The following HS3ST3B1 variants were observed in gnomAD, a reference collection of about 807,000 sequenced individuals.
HS3ST3B1 encodes the protein heparan sulfate-glucosamine 3-sulfotransferase 3B1.
Under a neutral mutation model 21.3 loss-of-function variants are expected in HS3ST3B1, and 13 were observed. The observed-to-expected ratio is 0.61, with a 90% CI of 0.40 to 0.97. The LOEUF is 0.97. Ranked by LOEUF, HS3ST3B1 falls within the 50% of genes least tolerant of loss-of-function variation. The probability of loss-of-function intolerance (pLI) is 0.00; values close to 1 mark genes in which losing one functional copy is unlikely to be tolerated. For synonymous variants in HS3ST3B1, 234 were observed against 254.8 expected, an observed-to-expected ratio of 0.92 and a Z score of 0.78; for missense variants, 459 against 554.8, an observed-to-expected ratio of 0.83 and a Z score of 1.73.
chr17:14,341,278 G>T (rs1349246003), intron 1 of HS3ST3B1, among the ~76,000 whole-genome samples: 1 of 152,194 alleles, frequency 6.6e-6, no homozygotes, highest in Non-Finnish European at 1.5e-5. Context: ...CCCCAGGCAG[G>T]CTGAGAGCAG....
At chr17:14,309,029 C>T (rs545615830) in intron 1 of HS3ST3B1, among the ~76,000 whole-genome samples, 1 of 152,326 alleles carries the variant, frequency 6.6e-6, no homozygotes, top group East Asian at 1.9e-4. Flanking sequence ...GGAGAGCCGC[C>T]CCCCTTTTTC....
intron 1 of HS3ST3B1, among the ~76,000 whole-genome samples, chr17:14,339,297 G>A (rs1010636427): frequency 1.1e-4 from 17 of 152,220 alleles, no homozygotes; most frequent in Non-Finnish European, 2.2e-4. Context: ...TTATTGTTTC[G>A]AAATTGGACG....
At chr17:14,331,654 T>G (rs1296271935) in intron 1 of HS3ST3B1, among the ~76,000 whole-genome samples, 1 of 152,178 alleles carries the variant, frequency 6.6e-6, no homozygotes, top group East Asian at 1.9e-4. Flanking sequence ...CCTAGTAAAC[T>G]TTTAATGAAT....
At chr17:14,340,003 G>T (rs985836142) in intron 1 of HS3ST3B1, among the ~76,000 whole-genome samples, 1 of 152,142 alleles carries the variant, frequency 6.6e-6, no homozygotes, top group Non-Finnish European at 1.5e-5. Context: ...AGGACTGCGC[G>T]GTTGTAGGGT....
chr17:14,338,287 G>A (rs772860313), intron 1 of HS3ST3B1, among the ~76,000 whole-genome samples: 7 of 151,514 alleles, frequency 4.6e-5, no homozygotes, highest in Middle Eastern at 3.4e-3. Flanking sequence ...CGCCACGCCC[G>A]GCTAATTTTT....
At chr17:14,308,651 G>T (rs960210951) in intron 1 of HS3ST3B1, among the ~76,000 whole-genome samples, 1 of 152,154 alleles carries the variant, frequency 6.6e-6, no homozygotes, top group Non-Finnish European at 1.5e-5. Flanking sequence ...ACTATACATT[G>T]TTGGAATAAG....
intron 1 of HS3ST3B1, among the ~76,000 whole-genome samples, chr17:14,323,040 G>A (rs763904851): frequency 2.0e-5 from 3 of 151,722 alleles, no homozygotes; most frequent in Non-Finnish European, 2.9e-5. Context: ...TGAGTAGTTG[G>A]AATTACAGGC....
chr17:14,313,113 T>TATATATATAC (rs71147857), intron 1 of HS3ST3B1, among the ~76,000 whole-genome samples: 46,588 of 129,468 alleles, frequency 0.36, 9,035 homozygotes, highest in Admixed American at 0.51. Flanking sequence ...TGTGTGTATA[T>TATATATATAC]ATATATATAT....
At chr17:14,304,871 C>T (rs531087644) in intron 1 of HS3ST3B1, 2 of 152,334 alleles carry the variant, frequency 1.3e-5, no homozygotes, top group African/African-American at 4.8e-5. Flanking sequence ...GGATCAGCAT[C>T]GTAATCTGTT....
At chr17:14,338,240 C>T (rs959097719) in intron 1 of HS3ST3B1, among the ~76,000 whole-genome samples, 1 of 151,628 alleles carries the variant, frequency 6.6e-6, no homozygotes, top group Non-Finnish European at 1.5e-5. Flanking sequence ...ATTCTCCTGC[C>T]TCAGCCTCCG....
In HS3ST3B1 at chr17:14,342,136, C is replaced by T. The variant is rs550714082; in HGVS notation, c.555-2892C>T. 1.1e-4 allele frequency among the ~76,000 whole-genome samples: 16 copies of T among 152,272 alleles called. No individual in the cohort carries two copies. In the East Asian group the frequency reaches 2.5e-3, roughly 24 times the overall value. ...CCTGTGATCAAGTTTCTATGGTTTCCGTATCGGTGCTAGATAGGGGAATTG... is the reference window on the plus strand; with the variant it reads ...CCTGTGATCAAGTTTCTATGGTTTCTGTATCGGTGCTAGATAGGGGAATTG... On this transcript the variant is annotated intron_variant, in intron 1 of 1. Coordinates refer to ENST00000360954, the MANE Select transcript of HS3ST3B1 (RefSeq NM_006041.3).
At chr17:14,309,765 G>T (rs1489805496) in intron 1 of HS3ST3B1, among the ~76,000 whole-genome samples, 1 of 152,204 alleles carries the variant, frequency 6.6e-6, no homozygotes, top group Non-Finnish European at 1.5e-5. Flanking sequence ...TCTGTTCTCC[G>T]AATGTTCGGC....
Position 14,324,607 on chromosome 17 carries a change from G to A in HS3ST3B1, c.555-20421G>A, listed in dbSNP as rs142400460. 5.1e-3 allele frequency among the ~76,000 whole-genome samples: 775 copies of A among 151,918 alleles called. 2 individuals carry two copies. The highest frequency in any genetic ancestry group is 7.5e-3 in the Non-Finnish European group (508 of 67,970). ...CATATTTCGTTTATTTTTATCTATC[G>A]TTTGTTTTTTAAAAATATATTTTAG... is the stretch of plus-strand genomic sequence containing the variant. On this transcript the variant is annotated intron_variant, in intron 1 of 1. Transcript: ENST00000360954.
chr17:14,312,316 C>G (rs1909332314), intron 1 of HS3ST3B1, among the ~76,000 whole-genome samples: 1 of 152,156 alleles, frequency 6.6e-6, no homozygotes, highest in African/African-American at 2.4e-5. Context: ...GAACGACTCC[C>G]TGAGGGCCCT....
At chr17:14,319,071 G>T (rs555496546) in intron 1 of HS3ST3B1, among the ~76,000 whole-genome samples, 2 of 152,278 alleles carry the variant, frequency 1.3e-5, no homozygotes, top group Non-Finnish European at 2.9e-5. Context: ...GCAGATGGAT[G>T]GATCGTAAGT....
chr17:14,314,129 A>G (rs1909423442), intron 1 of HS3ST3B1, among the ~76,000 whole-genome samples: 1 of 151,284 alleles, frequency 6.6e-6, no homozygotes, highest in Non-Finnish European at 1.5e-5. Flanking sequence ...ACAGGCATGC[A>G]CCACCAGGCC....
rs571323205 is a variant in HS3ST3B1, at chr17:14,301,383, G to A, written c.-136G>A. 0.017 allele frequency: 11,894 copies of A among 717,628 alleles called. 131 individuals carry two copies. The highest frequency in any genetic ancestry group is 0.02 in the Middle Eastern group (48 of 2,354). 44.5% of individuals were successfully genotyped at this position (717,628 alleles called of 1,614,324 possible). On this transcript the variant is annotated 5_prime_UTR_variant, in exon 1 of 2. Transcript: ENST00000360954. The stretch of plus-strand genomic sequence containing the variant: ...GGGGAAGAGCAGCAGCAGCAGCGGC[G>A]GCCGCGGGCACACGGGGGCAATAAA...
chr17:14,306,131 C>T (rs963005231), intron 1 of HS3ST3B1, among the ~76,000 whole-genome samples: 2 of 152,168 alleles, frequency 1.3e-5, no homozygotes, highest in Non-Finnish European at 2.9e-5. Flanking sequence ...GTGGTCTCAG[C>T]GCAGACTGCA....
intron 1 of HS3ST3B1, among the ~76,000 whole-genome samples, chr17:14,337,494 A>G: frequency 7.1e-6 from 1 of 140,968 alleles, no homozygotes; most frequent in South Asian, 2.3e-4. Flanking sequence ...TGCCTGGCTA[A>G]TTTTTTTTTT....
Sources: allele counts gnomAD v4.1 joint callset (sites outside exome capture counted in the v4.1 genomes callset), GRCh38; gene constraint gnomAD v4.1.1; transcripts MANE v1.5; gene names NCBI Gene and HGNC (gene_info 2026-07-23, HGNC 2026-07-21).